Variants in SH3BP5 observed in about 807,000 individuals in gnomAD.
The protein encoded by SH3BP5 is SH3 domain-binding protein 5.
In SH3BP5, 22 loss-of-function variants were observed where a neutral mutation model predicts 43.3. The ratio of observed to expected loss-of-function variants is 0.51; its 90% confidence interval spans 0.36 to 0.73. The LOEUF (loss-of-function observed/expected upper bound fraction) is 0.73. Ranked by LOEUF, SH3BP5 falls within the 30% of genes least tolerant of loss-of-function variation. The probability of loss-of-function intolerance (pLI) is 0.00; values close to 1 mark genes in which losing one functional copy is unlikely to be tolerated. For synonymous variants in SH3BP5, 255 were observed against 225.8 expected (o/e 1.13, Z -1.16); for missense variants, 529 against 586.9 (o/e 0.90, Z 1.02).
intron 2 of SH3BP5, among the ~76,000 whole-genome samples, chr3:15,316,445 G>C (rs1015206105): frequency 6.6e-6 from 1 of 151,890 alleles, no homozygotes; most frequent in African/African-American, 2.4e-5. Flanking sequence ...GGCTGGTCTC[G>C]AACTCCTGAC....
chr3:15,284,934 C>A (rs1697225085), intron 3 of SH3BP5, among the ~76,000 whole-genome samples: 1 of 152,186 alleles, frequency 6.6e-6, no homozygotes. Flanking sequence ...GACCCAGGAC[C>A]TTTGGAGTTA....
upstream of SH3BP5, among the ~76,000 whole-genome samples, chr3:15,333,426 T>C (rs1698661932): frequency 6.6e-6 from 1 of 152,240 alleles, no homozygotes; most frequent in Non-Finnish European, 1.5e-5. Flanking sequence ...CGGAGGCCTG[T>C]AGCCCATCGG....
In SH3BP5 at chr3:15,296,341, T is replaced by TACACACACACAC. The variant is rs141504303; in HGVS notation, c.330+7750_330+7761dup. On this transcript the variant is annotated intron_variant, in intron 3 of 8. Coordinates refer to ENST00000383791, the MANE Select transcript of SH3BP5 (RefSeq NM_004844.5). ...CCATACCTCAAATGGGGAAATCATA[T>TACACACACACAC]ACACACACACACACACACACACACA... Among the ~76,000 whole-genome samples, 245 of 146,256 alleles carry TACACACACACAC rather than the reference T, an allele frequency of 1.7e-3. 3 individuals carry two copies. The highest frequency in any genetic ancestry group is 5.8e-3 in the African/African-American group (229 of 39,588).
At chr3:15,297,979 T>C (rs964992047) in intron 3 of SH3BP5, among the ~76,000 whole-genome samples, 8 of 151,522 alleles carry the variant, frequency 5.3e-5, no homozygotes, top group East Asian at 1.9e-4. Context: ...TTTTCTTTTT[T>C]TTTTTTTTTT....
intron 2 of SH3BP5, among the ~76,000 whole-genome samples, chr3:15,316,219 CTTTTTTTTT>C (rs577644493): frequency 1.2e-5 from 1 of 81,686 alleles, no homozygotes; most frequent in East Asian, 4.0e-4. Flanking sequence ...AAAAGACTCG[CTTTTTTTTT>C]TTTTTTTTTT....
At chr3:15,281,270 G>A (rs6797144) in intron 3 of SH3BP5, among the ~76,000 whole-genome samples, 71,420 of 151,958 alleles carry the variant, frequency 0.47, 19,899 homozygotes, top group African/African-American at 0.79. Flanking sequence ...CCCCCAACAA[G>A]AACACATTTT....
chr3:15,298,259 C>G (rs1262978383), intron 3 of SH3BP5, among the ~76,000 whole-genome samples: 1 of 152,088 alleles, frequency 6.6e-6, no homozygotes, highest in East Asian at 1.9e-4. Flanking sequence ...TGAGATCCCT[C>G]AATTAGCCAA....
intron 3 of SH3BP5, among the ~76,000 whole-genome samples, chr3:15,302,651 A>T (rs919539417): frequency 1.3e-5 from 2 of 152,116 alleles, no homozygotes; most frequent in African/African-American, 4.8e-5. Flanking sequence ...CCTGGCCCTC[A>T]TTCTCTATGG....
At chr3:15,290,175 T>C (rs1027962290) in intron 3 of SH3BP5, among the ~76,000 whole-genome samples, 4 of 151,656 alleles carry the variant, frequency 2.6e-5, no homozygotes, top group African/African-American at 4.9e-5. Flanking sequence ...GTCAAGGCAG[T>C]TGAGGTCAGG....
rs571693138 is a variant in SH3BP5 at position 15,296,339 on chromosome 3, T to TACAC, written c.330+7763_330+7764insGTGT. ...CTCCATACCTCAAATGGGGAAATCATATACACACACACACACACACACACA... is the reference window on the plus strand; with the variant it reads ...CTCCATACCTCAAATGGGGAAATCATACACATACACACACACACACACACACACA... On this transcript the variant is annotated intron_variant, in intron 3 of 8. Coordinates refer to ENST00000383791, the MANE Select transcript of SH3BP5 (RefSeq NM_004844.5). Among the ~76,000 whole-genome samples, 1,026 of 126,556 alleles carry TACAC rather than the reference T, an allele frequency of 8.1e-3. 8 individuals carry two copies. The highest frequency in any genetic ancestry group is 0.026 in the African/African-American group (609 of 23,194). 83.0% of individuals were successfully genotyped at this position (126,556 alleles called of 152,430 possible). A position where few individuals can be genotyped will look rare whatever the true frequency, so the allele number is the denominator to read the frequency against.
intron 2 of SH3BP5, among the ~76,000 whole-genome samples, chr3:15,312,750 C>A (rs1481913502): frequency 6.6e-6 from 1 of 152,110 alleles, no homozygotes; most frequent in Admixed American, 6.5e-5. Context: ...CAGAGCCTTC[C>A]GTAAAGAGGG....
intron 2 of SH3BP5, among the ~76,000 whole-genome samples, chr3:15,313,320 G>A (rs1283070038): frequency 6.6e-6 from 1 of 152,194 alleles, no homozygotes; most frequent in Non-Finnish European, 1.5e-5. Flanking sequence ...AATAGCACAT[G>A]CAGTCCTAGG....
intron 3 of SH3BP5, among the ~76,000 whole-genome samples, chr3:15,301,768 C>T (rs1464739185): frequency 1.3e-5 from 2 of 152,080 alleles, no homozygotes; most frequent in Non-Finnish European, 2.9e-5. Flanking sequence ...CACATCAGCA[C>T]AGCCAAGGGA....
chr3:15,299,040 G>A (rs1052328431), intron 3 of SH3BP5, among the ~76,000 whole-genome samples: 5 of 152,190 alleles, frequency 3.3e-5, no homozygotes, highest in Non-Finnish European at 4.4e-5. Flanking sequence ...TTCTTAAAGA[G>A]GAGAAAAAGA....
chr3:15,288,251 T>C (rs911944243), intron 3 of SH3BP5, among the ~76,000 whole-genome samples: 7 of 152,224 alleles, frequency 4.6e-5, no homozygotes, highest in Non-Finnish European at 8.8e-5. Context: ...TAAACGTTAA[T>C]GTCATCCAAA....
chr3:15,327,908 A>G (rs1432008698), intron 2 of SH3BP5, among the ~76,000 whole-genome samples: 9 of 152,224 alleles, frequency 5.9e-5, no homozygotes, highest in African/African-American at 1.7e-4. Flanking sequence ...GTACAAAAAT[A>G]TATGTAAAAT....
chr3:15,268,523 CAG>C (rs1559429861), intron 4 of SH3BP5, among the ~76,000 whole-genome samples: 2 of 152,124 alleles, frequency 1.3e-5, no homozygotes, highest in African/African-American at 4.8e-5. Context: ...GGAATCTAGA[CAG>C]AGAATGCAGA....
chr3:15,262,907 G>A (rs756368528), intron 4 of SH3BP5, among the ~76,000 whole-genome samples: 27 of 149,502 alleles, frequency 1.8e-4, no homozygotes, highest in Admixed American at 9.9e-4. Flanking sequence ...GCAGTAAGCC[G>A]AGATCACGCC....
chr3:15,259,935 A>G (rs1696370652), intron 5 of SH3BP5, 132 bp from the exon 6 acceptor site: 2 of 774,990 alleles, frequency 2.6e-6, no homozygotes, highest in African/African-American at 1.7e-5. Context: ...ACTCTTAACA[A>G]GGCCGTGACA....
Sources: allele counts gnomAD v4.1 joint callset (sites outside exome capture counted in the v4.1 genomes callset), GRCh38; gene constraint gnomAD v4.1.1; transcripts MANE v1.5; gene names NCBI Gene and HGNC (gene_info 2026-07-23, HGNC 2026-07-21).